TRRAP: variants seen among roughly 807,000 people sequenced by gnomAD.
The protein encoded by TRRAP is transformation/transcription domain-associated protein.
In TRRAP, 41 loss-of-function variants were observed where a neutral mutation model predicts 438.8. That is an observed-to-expected ratio of 0.09 (90% CI 0.07 to 0.12). The LOEUF (loss-of-function observed/expected upper bound fraction) is 0.12. TRRAP is among the 10% of genes least tolerant of loss of function. The pLI, the probability that TRRAP is intolerant of heterozygous loss-of-function variation, is 1.00. For missense variants in TRRAP, 3,122 were observed against 5,055.1 expected (o/e 0.62, Z 11.60); for synonymous variants, 1,994 against 1,962.9 (o/e 1.02, Z -0.42).
intron 6 of TRRAP, among the ~76,000 whole-genome samples, chr7:98,894,798 T>G (rs960493021): frequency 9.6e-5 from 14 of 145,320 alleles, no homozygotes; most frequent in Non-Finnish European, 1.2e-4. Flanking sequence ...TTTTTTTTTT[T>G]TTTTTTTTTT....
Position 98,908,664 on chromosome 7 carries a change from G to T in TRRAP, c.1116-64G>T, listed in dbSNP as rs1253821089. 2.8e-6 allele frequency: 4 copies of T among 1,434,168 alleles called. No homozygotes were observed. Among genetic ancestry groups the T allele is most frequent in the African/African-American group, 2.8e-5 (2 of 70,946 alleles). The allele number at this position is 1,434,168 out of a possible 1,614,324, so 88.8% of individuals were successfully genotyped here. ...TCCTGGGGCAGATGGTGATATCCTT[G>T]GTGGCCTGCTGCAGCAGGCATGGCC... On this transcript the variant is annotated intron_variant, in intron 13 of 72. Transcript: ENST00000456197. The surrounding 1 kb of genome is among the most constrained non-coding windows in gnomAD (Gnocchi z 4.1).
At chr7:98,964,103 T>G (rs889210991) in intron 47 of TRRAP, among the ~76,000 whole-genome samples, 8 of 151,282 alleles carry the variant, frequency 5.3e-5, no homozygotes, top group Non-Finnish European at 7.4e-5. Context: ...AAAAAAAGTT[T>G]AATGGGTAGG....
At chr7:98,966,487 C>A (rs1792164743) in intron 49 of TRRAP, among the ~76,000 whole-genome samples, 1 of 152,040 alleles carries the variant, frequency 6.6e-6, no homozygotes, top group Admixed American at 6.5e-5. Context: ...GAGTTTGAGA[C>A]CAGCCTGGCC....
rs1554419668 is a variant in TRRAP at position 98,956,116 on chromosome 7, T to TG, written c.5938-30_5938-29insG. 1.9e-6 allele frequency: 3 copies of TG among 1,599,248 alleles called. No individual in the cohort carries two copies. The highest frequency in any genetic ancestry group is 1.7e-5 in the Admixed American group (1 of 59,612). ...GCACTGTGGGACCAAGCTCCCATGT[T>TG]CCGGCGTGATGCTGGCCCTGCGTCC... On this transcript the variant is annotated intron_variant, in intron 41 of 72. Coordinates refer to ENST00000456197, the MANE Select transcript of TRRAP (RefSeq NM_001375524.1). This position sits in a 1 kb window ranked among gnomAD's most constrained non-coding sequence, Gnocchi z 4.5.
intron 63 of TRRAP, among the ~76,000 whole-genome samples, chr7:98,989,721 C>T (rs1192839148): frequency 2.6e-5 from 4 of 152,210 alleles, no homozygotes; most frequent in South Asian, 2.1e-4. Context: ...TTGTTTCAGT[C>T]GTCCATGGAC....
chr7:98,887,899 T>C (rs1329729093), intron 3 of TRRAP, among the ~76,000 whole-genome samples: 1 of 152,142 alleles, frequency 6.6e-6, no homozygotes, highest in East Asian at 1.9e-4. Context: ...ACTGCCCAGG[T>C]GTCTGGTCTC....
intron 30 of TRRAP, 28 bp downstream of exon 30, chr7:98,937,848 TAACA>T (rs782519175): frequency 6.3e-7 from 1 of 1,577,676 alleles, no homozygotes; most frequent in Admixed American, 1.9e-5. Flanking sequence ...AAACGCTCTG[TAACA>T]AACTTTCAAA....
rs146938440 is a variant in TRRAP at position 98,983,476 on chromosome 7, C to T, written c.9022+17C>T. The stretch of plus-strand genomic sequence containing the variant: ...ATTACCAGGGTAAACCGACCTGGTC[C>T]GGCATGCATTCATCATGTAATTTTC... On this transcript the variant is annotated intron_variant, in intron 60 of 72. Coordinates refer to ENST00000456197, the MANE Select transcript of TRRAP (RefSeq NM_001375524.1). 52 of 1,613,572 alleles carry T rather than the reference C, an allele frequency of 3.2e-5. No individual in the cohort carries two copies. The highest frequency in any genetic ancestry group is 2.8e-4 in the Admixed American group (17 of 59,974).
intron 60 of TRRAP, 111 bp downstream of exon 60, chr7:98,983,570 A>G: frequency 7.8e-7 from 1 of 1,281,844 alleles, no homozygotes; most frequent in Non-Finnish European, 1.1e-6. Context: ...TTTTTCCCCC[A>G]GGTTTTCTAT....
In TRRAP at chr7:98,994,603, A is replaced by G. The variant is rs1793568688; in HGVS notation, c.10064A>G (p.Gln3355Arg). Residue 3355 changes from glutamine (Q) to arginine (R), a missense_variant, in exon 67 of 73, where the codon CAA (glutamine) becomes CGA (arginine). This residue lies in a region of TRRAP where 107 missense variants were observed against 327.5 expected (regional missense o/e 0.33). Coordinates refer to ENST00000456197, the MANE Select transcript of TRRAP (RefSeq NM_001375524.1). The surrounding 1 kb of genome is among the most constrained non-coding windows in gnomAD (Gnocchi z 4.8). ...TTCTACCAGGTTCTCAGGCAGCTCC[A>G]ACAGGGCCTGGCGAAATGTTACTCC... ...NWHEEVLRQL[Q>R]QGLAKCYSVA... 6.2e-7 allele frequency: 1 copy of G among 1,614,144 alleles called. No homozygotes were observed. The highest frequency in any genetic ancestry group is 8.5e-7 in the Non-Finnish European group (1 of 1,180,012).
At chr7:98,969,358 T>C (rs1022035140) in intron 51 of TRRAP, among the ~76,000 whole-genome samples, 2 of 152,178 alleles carry the variant, frequency 1.3e-5, no homozygotes, top group Admixed American at 1.3e-4. Context: ...TGATCTTGCC[T>C]CACTCTTGCC....
chr7:99,003,878 A>G (rs1794047325), intron 67 of TRRAP, among the ~76,000 whole-genome samples: 1 of 152,202 alleles, frequency 6.6e-6, no homozygotes. Context: ...AGCCTGGCCA[A>G]CATGGTGAAA....
intron 51 of TRRAP, among the ~76,000 whole-genome samples, chr7:98,968,062 A>G (rs867224711): frequency 5.1e-4 from 77 of 151,376 alleles, no homozygotes; most frequent in African/African-American, 1.4e-3. Flanking sequence ...TCTGTTGCCC[A>G]GGTTGGAGTG....
At chr7:98,914,367 G>A (rs544116222) in intron 18 of TRRAP, among the ~76,000 whole-genome samples, 2 of 152,216 alleles carry the variant, frequency 1.3e-5, no homozygotes, top group East Asian at 1.9e-4. Flanking sequence ...TTAGGTGACC[G>A]AGTGAGATCC....
chr7:98,881,839 G>A (rs1277178517), intron 2 of TRRAP, 136 bp from the exon 3 acceptor site: 14 of 865,412 alleles, frequency 1.6e-5, no homozygotes, highest in Non-Finnish European at 2.5e-5. Flanking sequence ...AACTAGCTAT[G>A]TGCCTTCTAT....
rs766511806 is a variant in TRRAP, at chr7:98,978,182, A to G, written c.8386-29A>G. ...AGAAAAGGTGTGTTTCTAGTTAAAC[A>G]GTGATTTAAAAACATTAACTTTTTT... On this transcript the variant is annotated intron_variant, in intron 56 of 72. Transcript: ENST00000456197. 12 of 1,556,698 alleles carry G rather than the reference A, an allele frequency of 7.7e-6. No homozygotes were observed. In the East Asian group the frequency reaches 1.8e-4, roughly 23 times the overall value.
chr7:98,986,945 G>A (rs1369178185), intron 62 of TRRAP, among the ~76,000 whole-genome samples: 2 of 152,140 alleles, frequency 1.3e-5, no homozygotes, highest in Admixed American at 6.6e-5. Context: ...ACCATTTGCT[G>A]AAAAGTCTAG....
chr7:98,898,729 T>C (rs774972277), intron 8 of TRRAP, among the ~76,000 whole-genome samples: 36 of 152,228 alleles, frequency 2.4e-4, no homozygotes, highest in Admixed American at 2.3e-3. Flanking sequence ...CATTTTCTGT[T>C]TATAAATATC....
At chr7:98,892,930 A>G (rs1255787835) in intron 5 of TRRAP, among the ~76,000 whole-genome samples, 1 of 151,924 alleles carries the variant, frequency 6.6e-6, no homozygotes, top group African/African-American at 2.4e-5. Context: ...GGTACCTCCA[A>G]ATTGTTTTCT....
Sources: gnomAD v4.1 joint callset for allele counts (sites outside exome capture counted in the v4.1 genomes callset) on GRCh38, gnomAD v4.1.1 for gene constraint, gnomAD v4.1.1 regional missense constraint, Gnocchi (gnomAD v3.1) non-coding constraint, MANE v1.5 for transcripts, NCBI Gene and HGNC (gene_info 2026-07-23, HGNC 2026-07-21) for gene names.